The following CR1 variants were observed in gnomAD, a reference collection of about 807,000 sequenced individuals.
The protein encoded by CR1 is complement C3b/C4b receptor 1 (Knops blood group).
In CR1, 116 loss-of-function variants were observed where a neutral mutation model predicts 187.3. That is an observed-to-expected ratio of 0.62 (90% confidence interval 0.53 to 0.72). The LOEUF is 0.72. CR1 is among the 30% of genes least tolerant of loss of function. CR1 has a pLI of 0.00. For missense variants in CR1, 1,731 were observed against 2,110.7 expected (o/e 0.82, Z 3.52); for synonymous variants, 576 against 747.1 (o/e 0.77, Z 3.73).
At chr1:207,591,247 C>G (rs1661262897) in intron 35 of CR1, among the ~76,000 whole-genome samples, 1 of 152,170 alleles carries the variant, frequency 6.6e-6, no homozygotes, top group Admixed American at 6.5e-5. Flanking sequence ...TCATAACAAA[C>G]AGTCTCTCAG....
intron 35 of CR1, among the ~76,000 whole-genome samples, chr1:207,605,431 A>G (rs1661721982): frequency 6.6e-6 from 1 of 152,034 alleles, no homozygotes; most frequent in South Asian, 2.1e-4. Flanking sequence ...TTGCAACAGA[A>G]ACATATATCA....
rs149656842 is a variant in CR1 at position 207,630,728 on chromosome 1, G to T, written c.7457+107G>T. ...CACTAGGTAGGTCATTGATACCAAA[G>T]AATTTAGAAAGTACTTCAGGAGTTG... On this transcript the variant is annotated intron_variant, in intron 46 of 46. Coordinates refer to ENST00000367049, the MANE Select transcript of CR1 (RefSeq NM_000651.6). 1,258 of 623,962 alleles carry T rather than the reference G, an allele frequency of 2.0e-3. 15 individuals carry two copies. In the African/African-American group the frequency reaches 0.022, roughly 11 times the overall value. 38.7% of individuals were successfully genotyped at this position (623,962 alleles called of 1,614,324 possible).
chr1:207,623,696 AAATAGTTGTT>A (rs1043111305), intron 45 of CR1, among the ~76,000 whole-genome samples: 1 of 151,854 alleles, frequency 6.6e-6, no homozygotes, highest in Non-Finnish European at 1.5e-5. Context: ...AGGGGTTTTT[AAATAGTTGTT>A]CATGAGGCTG....
chr1:207,577,361 A>G (rs1018478171), intron 28 of CR1, among the ~76,000 whole-genome samples: 8 of 152,256 alleles, frequency 5.3e-5, no homozygotes, highest in Non-Finnish European at 1.2e-4. Flanking sequence ...TAAAACTATA[A>G]GAACATGTCT....
At chr1:207,608,269 T>C (rs1420037579) in intron 36 of CR1, among the ~76,000 whole-genome samples, 2 of 152,188 alleles carry the variant, frequency 1.3e-5, no homozygotes, top group African/African-American at 4.8e-5. Context: ...AAGGTTGAGA[T>C]GCCTCATCCA....
At chr1:207,588,200 A>T (rs1226921735) in intron 34 of CR1, among the ~76,000 whole-genome samples, 2 of 152,066 alleles carry the variant, frequency 1.3e-5, no homozygotes, top group African/African-American at 4.8e-5. Flanking sequence ...TGTTTCTGAG[A>T]TGGAGCCTTA....
chr1:207,587,534 G>C lies in CR1; in HGVS notation c.5679G>C (p.Leu1893Phe). The C allele has an allele frequency of 6.2e-7, 1 of 1,613,858 alleles. No individual in the cohort carries two copies. Among genetic ancestry groups the C allele is most frequent in the South Asian group, 1.1e-5 (1 of 91,058 alleles). Reference sequence around the variant, plus strand: ...TCTCTATCTCCTGCCTAGAAAACTTGGTCTGGTCAAGTGTTGAAGACAACT... The same window carrying C: ...TCTCTATCTCCTGCCTAGAAAACTTCGTCTGGTCAAGTGTTGAAGACAACT... ...KMFSISCLEN[L>F]VWSSVEDNCR... Residue 1893 changes from leucine to phenylalanine, a missense_variant, in exon 34 of 47, where the codon TTG becomes TTC. Coordinates refer to ENST00000367049, the MANE Select transcript of CR1 (RefSeq NM_000651.6).
At chr1:207,581,235 C>T (rs558559789) in intron 31 of CR1, among the ~76,000 whole-genome samples, 45 of 148,482 alleles carry the variant, frequency 3.0e-4, no homozygotes, top group Middle Eastern at 3.4e-3. Context: ...TATATGTAGA[C>T]GTATACATAT....
chr1:207,639,033 T>C (rs937765388), intron 46 of CR1, among the ~76,000 whole-genome samples: 2 of 152,230 alleles, frequency 1.3e-5, no homozygotes, highest in African/African-American at 2.4e-5. Context: ...AAGGGCTGAA[T>C]TGGGAATGCC....
In CR1 at chr1:207,617,507, A is replaced by ATATATATATATATATGTGTG. The variant is rs1332301171; in HGVS notation, c.6890-563_6890-562insATATATATATATATGTGTGT. Among the ~76,000 whole-genome samples the ATATATATATATATATGTGTG allele has an allele frequency of 4.4e-3, 206 of 46,962 alleles. 4 individuals carry two copies. The highest frequency in any genetic ancestry group is 9.1e-3 in the Middle Eastern group (1 of 110). 30.8% of individuals were successfully genotyped at this position (46,962 alleles called of 152,430 possible). On this transcript the variant is annotated intron_variant, in intron 41 of 46. Transcript: ENST00000367049. ...AGTATATATATATATATATATATAT[A>ATATATATATATATATGTGTG]TGTGTGTGTGTGTGTGTGTGTGTGT...
chr1:207,510,205 C>G (rs1558216644), intron 3 of CR1, among the ~76,000 whole-genome samples: 1 of 151,624 alleles, frequency 6.6e-6, no homozygotes, highest in Non-Finnish European at 1.5e-5. Context: ...GAAAATCTGT[C>G]TCAAAAAAAA....
intron 28 of CR1, 104 bp from the exon 29 acceptor site, chr1:207,577,701 A>T (rs930413537): frequency 6.5e-7 from 1 of 1,531,568 alleles, no homozygotes; most frequent in African/African-American, 1.4e-5. Flanking sequence ...CCTGGGAAGT[A>T]GAGGTTGCAG....
At chr1:207,589,940 C>G (rs369719868) in intron 35 of CR1, among the ~76,000 whole-genome samples, 39 of 152,066 alleles carry the variant, frequency 2.6e-4, no homozygotes, top group African/African-American at 8.2e-4. Flanking sequence ...ACAAAGCCTC[C>G]AAGAAATATG....
intron 43 of CR1, 93 bp downstream of exon 43, chr1:207,620,158 A>G: frequency 7.8e-7 from 1 of 1,280,582 alleles, no homozygotes; most frequent in Non-Finnish European, 1.1e-6. Context: ...TGTGATGTTT[A>G]TGGCATATGC....
At position 207,580,240 on chromosome 1, in the gene CR1, T is replaced by A. The variant is rs1318119342; in HGVS notation, c.4937T>A (p.Val1646Glu). 3 of 1,613,588 alleles carry A rather than the reference T, an allele frequency of 1.9e-6. No homozygotes were observed. The highest frequency in any genetic ancestry group is 1.3e-5 in the African/African-American group (1 of 75,014). The change falls in exon 30 of 47, where the codon GTG becomes GAG. Residue 1646 changes from valine to glutamate, a missense_variant and splice_region_variant. Coordinates refer to ENST00000367049, the MANE Select transcript of CR1 (RefSeq NM_000651.6). ...TACTCTGGAACTGTCCTTTCCACAG[T>A]GTGTCAGCCGCCTCCAGAAATCCTG... ...WEPELPSCSR[V>E]CQPPPEILHG...
At chr1:207,594,517 G>A (rs1312143433) in intron 35 of CR1, among the ~76,000 whole-genome samples, 1 of 152,036 alleles carries the variant, frequency 6.6e-6, no homozygotes, top group African/African-American at 2.4e-5. Context: ...ATGGGTTGAT[G>A]GTGCAGCAAA....
intron 32 of CR1, among the ~76,000 whole-genome samples, chr1:207,583,130 A>G (rs746821110): frequency 1.3e-5 from 2 of 152,220 alleles, no homozygotes; most frequent in Non-Finnish European, 2.9e-5. Flanking sequence ...AAAGGTGAGA[A>G]GGAATCAGCA....
At chr1:207,590,790 A>G (rs576583007) in intron 35 of CR1, among the ~76,000 whole-genome samples, 1 of 152,348 alleles carries the variant, frequency 6.6e-6, no homozygotes, top group Admixed American at 6.5e-5. Context: ...ATGGAAAGCA[A>G]ATAAAAGCAG....
chr1:207,573,865 C>T (rs938282222), intron 27 of CR1, among the ~76,000 whole-genome samples: 6 of 152,158 alleles, frequency 3.9e-5, no homozygotes, highest in Non-Finnish European at 8.8e-5. Context: ...AGCACAGTGG[C>T]TCACATATGT....
Sources: allele counts gnomAD v4.1 joint callset (sites outside exome capture counted in the v4.1 genomes callset), GRCh38; gene constraint gnomAD v4.1.1; transcripts MANE v1.5; gene names NCBI Gene and HGNC (gene_info 2026-07-23, HGNC 2026-07-21).